The following CHST11 variants were observed in gnomAD, a reference collection of about 807,000 sequenced individuals.
CHST11 encodes carbohydrate sulfotransferase 11.
In CHST11, 9 loss-of-function variants were observed where a neutral mutation model predicts 30.4. That is an observed-to-expected ratio of 0.30 (90% CI 0.18 to 0.52). CHST11 has a LOEUF of 0.52. Ranked by LOEUF, CHST11 falls within the 20% of genes least tolerant of loss-of-function variation. CHST11 has a pLI of 0.97. For missense variants in CHST11, 348 were observed against 460.6 expected, an observed-to-expected ratio of 0.76 and a Z score of 2.24; for synonymous variants, 152 against 187.8, an observed-to-expected ratio of 0.81 and a Z score of 1.56.
rs535666536 is a variant in CHST11, at chr12:104,746,753, C to A, written c.205-10196C>A. Reference sequence around the variant, plus strand: ...AGCCACTTCTTTCCTAAACCCTTTACGTTTTGTACCAGGTCCAGACCAGAT... The same window carrying A: ...AGCCACTTCTTTCCTAAACCCTTTAAGTTTTGTACCAGGTCCAGACCAGAT... On this transcript the variant is annotated intron_variant, in intron 2 of 2. Coordinates refer to ENST00000303694, the MANE Select transcript of CHST11 (RefSeq NM_018413.6). Among the ~76,000 whole-genome samples the A allele has an allele frequency of 3.0e-4, 45 of 152,322 alleles. 2 individuals carry two copies. The South Asian group carries it at 9.1e-3, about 31-fold the overall frequency.
chr12:104,487,931 C>T (rs1336965318), intron 1 of CHST11, among the ~76,000 whole-genome samples: 1 of 150,996 alleles, frequency 6.6e-6, no homozygotes, highest in African/African-American at 2.4e-5. Flanking sequence ...TTTTTTGAGA[C>T]AGAGCCTTAC....
chr12:104,572,407 A>G (rs913073265), intron 1 of CHST11, among the ~76,000 whole-genome samples: 2 of 152,128 alleles, frequency 1.3e-5, no homozygotes, highest in African/African-American at 2.4e-5. Context: ...TTATTGGTCT[A>G]TTCAGAGATT....
intron 2 of CHST11, among the ~76,000 whole-genome samples, chr12:104,686,925 G>A (rs2039852081): frequency 6.6e-6 from 1 of 152,220 alleles, no homozygotes; most frequent in South Asian, 2.1e-4. Context: ...TGGGATTACA[G>A]GTGTGAGCCA....
chr12:104,698,756 T>C (rs2039969277), intron 2 of CHST11, among the ~76,000 whole-genome samples: 1 of 152,236 alleles, frequency 6.6e-6, no homozygotes, highest in African/African-American at 2.4e-5. Context: ...GAAGATAAAT[T>C]AGTATTTCAA....
intron 1 of CHST11, among the ~76,000 whole-genome samples, chr12:104,586,597 C>T (rs1457066865): frequency 1.3e-5 from 2 of 152,224 alleles, no homozygotes; most frequent in African/African-American, 4.8e-5. Flanking sequence ...TGGGGGAACC[C>T]CAGAGGCAGA....
rs569541829 is a variant in CHST11 at position 104,510,414 on chromosome 12, G to A, written c.118+52885G>A. 1.1e-4 allele frequency among the ~76,000 whole-genome samples: 17 copies of A among 152,318 alleles called. No homozygotes were observed. In the South Asian group the frequency reaches 3.3e-3, roughly 30 times the overall value. On this transcript the variant is annotated intron_variant, in intron 1 of 2. Coordinates refer to ENST00000303694, the MANE Select transcript of CHST11 (RefSeq NM_018413.6). ...ATTTATGCATGATGAAGATAAGAAT[G>A]TTACTTCGTGCTGTTCTTAGAACCC...
chr12:104,580,542 GA>G (rs1480772029), intron 1 of CHST11, among the ~76,000 whole-genome samples: 2 of 152,170 alleles, frequency 1.3e-5, no homozygotes, highest in African/African-American at 4.8e-5. Flanking sequence ...CACAATCAGA[GA>G]ATGGTAGAAA....
intron 1 of CHST11, among the ~76,000 whole-genome samples, chr12:104,482,437 C>T (rs12313521): frequency 0.079 from 12,060 of 151,850 alleles, 853 homozygotes; most frequent in African/African-American, 0.2. Context: ...ATCCACATGG[C>T]TTTATTTTTT....
At chr12:104,700,139 G>T (rs1481133022) in intron 2 of CHST11, among the ~76,000 whole-genome samples, 2 of 151,896 alleles carry the variant, frequency 1.3e-5, no homozygotes, top group Non-Finnish European at 2.9e-5. Flanking sequence ...TACCCATCTG[G>T]TTTTTTTTAA....
At chr12:104,503,661 A>G (rs1364970106) in intron 1 of CHST11, among the ~76,000 whole-genome samples, 1 of 152,060 alleles carries the variant, frequency 6.6e-6, no homozygotes, top group Non-Finnish European at 1.5e-5. Context: ...TGTGTCCCCT[A>G]GAGGCCCTGC....
chr12:104,543,124 GT>G (rs2038301380), intron 1 of CHST11, among the ~76,000 whole-genome samples: 1 of 152,202 alleles, frequency 6.6e-6, no homozygotes, highest in African/African-American at 2.4e-5. Flanking sequence ...ATGGCAGAAG[GT>G]GAAGGGGAGC....
intron 2 of CHST11, among the ~76,000 whole-genome samples, chr12:104,650,080 A>G (rs1199739021): frequency 6.6e-6 from 1 of 152,220 alleles, no homozygotes; most frequent in African/African-American, 2.4e-5. Flanking sequence ...GGAGAGGGAG[A>G]GAGTTGCAAC....
chr12:104,659,790 A>AC (rs36101250), intron 2 of CHST11, among the ~76,000 whole-genome samples: 3,186 of 146,342 alleles, frequency 0.022, 52 homozygotes, highest in Admixed American at 0.053. Flanking sequence ...ACATAGTGAG[A>AC]CCCCCCCCCG....
intron 2 of CHST11, among the ~76,000 whole-genome samples, chr12:104,717,804 G>T (rs1050066317): frequency 1.3e-5 from 2 of 149,728 alleles, no homozygotes; most frequent in Admixed American, 6.7e-5. Context: ...CAACAAATTC[G>T]CTGGGCAAGG....
At chr12:104,482,586 T>C (rs531495057) in intron 1 of CHST11, among the ~76,000 whole-genome samples, 5 of 152,044 alleles carry the variant, frequency 3.3e-5, no homozygotes, top group Non-Finnish European at 7.4e-5. Context: ...CTTAGATCGA[T>C]GAGACAAGAT....
chr12:104,659,060 T>C (rs2136086786), intron 2 of CHST11, among the ~76,000 whole-genome samples: 1 of 152,344 alleles, frequency 6.6e-6, no homozygotes, highest in South Asian at 2.1e-4. Flanking sequence ...CCCAAAACGT[T>C]CTCTCACTTG....
chr12:104,724,988 C>T (rs570801411), intron 2 of CHST11, among the ~76,000 whole-genome samples: 5 of 152,206 alleles, frequency 3.3e-5, no homozygotes, highest in East Asian at 3.9e-4. Flanking sequence ...GTGGAATTCT[C>T]CCCAGTGTGT....
At chr12:104,597,791 G>C (rs114995934) in intron 1 of CHST11, among the ~76,000 whole-genome samples, 49 of 152,274 alleles carry the variant, frequency 3.2e-4, no homozygotes, top group African/African-American at 1.2e-3. Flanking sequence ...GTTGTATTTT[G>C]GACTTGTCCT....
chr12:104,470,300 C>T (rs998744528), intron 1 of CHST11, among the ~76,000 whole-genome samples: 6 of 152,116 alleles, frequency 3.9e-5, no homozygotes, highest in Non-Finnish European at 8.8e-5. Flanking sequence ...GCTGGGGAGG[C>T]CTCAGGAAAC....
Sources: gnomAD v4.1 joint callset for allele counts (sites outside exome capture counted in the v4.1 genomes callset) on GRCh38, gnomAD v4.1.1 for gene constraint, MANE v1.5 for transcripts, NCBI Gene and HGNC (gene_info 2026-07-23, HGNC 2026-07-21) for gene names.